OSBPL1A: variants seen among roughly 807,000 people sequenced by gnomAD.
OSBPL1A encodes oxysterol binding protein like 1A, also known as oxysterol-binding protein-related protein 1.
In OSBPL1A, 80 loss-of-function variants were observed where a neutral mutation model predicts 137.1. The ratio of observed to expected loss-of-function variants is 0.58; its 90% CI spans 0.49 to 0.70. OSBPL1A has a LOEUF of 0.70. Among genes scored for constraint, OSBPL1A ranks in the 30% least tolerant of loss-of-function variants. OSBPL1A has a pLI of 0.00. For missense variants in OSBPL1A, 970 were observed against 1,129.4 expected, an observed-to-expected ratio of 0.86 and a Z score of 2.02; for synonymous variants, 365 against 389.7, an observed-to-expected ratio of 0.94 and a Z score of 0.75.
intron 17 of OSBPL1A, among the ~76,000 whole-genome samples, chr18:24,198,861 T>G (rs528453086): frequency 2.7e-4 from 36 of 135,004 alleles, no homozygotes; most frequent in African/African-American, 9.7e-4. Context: ...TTTTTTTTTG[T>G]TGTTTTTTTT....
intron 15 of OSBPL1A, among the ~76,000 whole-genome samples, chr18:24,272,454 C>T (rs1173231902): frequency 6.6e-6 from 1 of 152,004 alleles, no homozygotes; most frequent in East Asian, 1.9e-4. Context: ...AGGAAAACAA[C>T]GGTATTAATC....
intron 15 of OSBPL1A, among the ~76,000 whole-genome samples, chr18:24,272,989 T>C (rs2089758248): frequency 6.6e-6 from 1 of 152,170 alleles, no homozygotes; most frequent in Admixed American, 6.5e-5. Context: ...CACTGCAACC[T>C]CCACCTCCTG....
chr18:24,383,480 G>A (rs745695668), intron 1 of OSBPL1A, among the ~76,000 whole-genome samples: 5 of 152,196 alleles, frequency 3.3e-5, no homozygotes, highest in Admixed American at 1.3e-4. Context: ...CTATTGGGCC[G>A]GGTGCCTTGG....
chr18:24,326,736 G>A (rs144568935), intron 7 of OSBPL1A, among the ~76,000 whole-genome samples: 337 of 152,320 alleles, frequency 2.2e-3, no homozygotes, highest in African/African-American at 7.9e-3. Context: ...GTATTCGTCT[G>A]TGAGTAATGT....
At chr18:24,187,455 T>C (rs2086781285) in intron 18 of OSBPL1A, among the ~76,000 whole-genome samples, 1 of 152,160 alleles carries the variant, frequency 6.6e-6, no homozygotes, top group Admixed American at 6.5e-5. Context: ...GAGATCAAAC[T>C]TCCTGCATTC....
chr18:24,294,273 C>T (rs531810833), intron 14 of OSBPL1A, among the ~76,000 whole-genome samples: 29 of 151,818 alleles, frequency 1.9e-4, no homozygotes, highest in Admixed American at 9.2e-4. Flanking sequence ...GCTCTGTTGC[C>T]CAGGCTGGAG....
At chr18:24,173,293 T>C (rs989377376) in intron 21 of OSBPL1A, among the ~76,000 whole-genome samples, 1 of 152,098 alleles carries the variant, frequency 6.6e-6, no homozygotes, top group Non-Finnish European at 1.5e-5. Flanking sequence ...AAATAAGTAT[T>C]GGGTACTACG....
At chr18:24,377,152 A>G (rs949242599) in intron 2 of OSBPL1A, among the ~76,000 whole-genome samples, 1 of 152,212 alleles carries the variant, frequency 6.6e-6, no homozygotes, top group African/African-American at 2.4e-5. Context: ...ACCTCTCAAT[A>G]GGATGTATCC....
chr18:24,203,025 T>C (rs1336585345), intron 17 of OSBPL1A, among the ~76,000 whole-genome samples: 1 of 152,340 alleles, frequency 6.6e-6, no homozygotes, highest in South Asian at 2.1e-4. Context: ...TTGCCCAGGC[T>C]GCAATGCAAC....
chr18:24,269,563 A>G (rs1267431576), intron 15 of OSBPL1A, among the ~76,000 whole-genome samples: 1 of 151,642 alleles, frequency 6.6e-6, no homozygotes. Flanking sequence ...AAATGACTCA[A>G]AAAAAAGTCA....
chr18:24,354,770 A>AAAAG lies in OSBPL1A; in HGVS notation c.282+12118_282+12121dup, dbSNP rs1348891803. Among the ~76,000 whole-genome samples, 11 of 148,818 alleles carry AAAAG rather than the reference A, an allele frequency of 7.4e-5. No homozygotes were observed. In the South Asian group the frequency reaches 8.4e-4, roughly 11 times the overall value. ...TAGCAAAAAAAAAAAAAAAAAAAAA[A>AAAAG]AAAGAAAGAAAGAAAAAGATGATGA... On this transcript the variant is annotated intron_variant, in intron 4 of 27. Transcript: ENST00000319481.
At chr18:24,359,166 T>C (rs2091583177) in intron 4 of OSBPL1A, among the ~76,000 whole-genome samples, 1 of 151,808 alleles carries the variant, frequency 6.6e-6, no homozygotes, top group African/African-American at 2.4e-5. Flanking sequence ...TGCAGTGAGC[T>C]GAGATTGCAC....
intron 15 of OSBPL1A, among the ~76,000 whole-genome samples, chr18:24,278,974 A>G (rs1284016468): frequency 6.6e-6 from 1 of 152,194 alleles, no homozygotes; most frequent in Admixed American, 6.5e-5. Context: ...TTAATGAACA[A>G]TTATGTTTTC....
intron 11 of OSBPL1A, among the ~76,000 whole-genome samples, chr18:24,316,474 G>T (rs981090608): frequency 6.6e-6 from 1 of 152,046 alleles, no homozygotes; most frequent in Non-Finnish European, 1.5e-5. Flanking sequence ...ATAGGAAAAA[G>T]ACACCATGCG....
chr18:24,315,974 A>ATACG (rs1434578163), intron 11 of OSBPL1A, among the ~76,000 whole-genome samples: 3 of 146,982 alleles, frequency 2.0e-5, no homozygotes, highest in Non-Finnish European at 4.5e-5. Context: ...ATTACCTGAC[A>ATACG]TACGGGCTGG....
At chr18:24,250,742 C>T (rs927008420) in intron 15 of OSBPL1A, among the ~76,000 whole-genome samples, 1 of 152,182 alleles carries the variant, frequency 6.6e-6, no homozygotes, top group Admixed American at 6.5e-5. Flanking sequence ...GGTAAAGGGA[C>T]TTTGTCTTGC....
At chr18:24,345,645 T>C (rs114000476) in intron 4 of OSBPL1A, among the ~76,000 whole-genome samples, 13,311 of 152,180 alleles carry the variant, frequency 0.087, 635 homozygotes, top group Middle Eastern at 0.12. Flanking sequence ...GAGATTGTCC[T>C]GTTGCTCTCC....
intron 15 of OSBPL1A, among the ~76,000 whole-genome samples, chr18:24,265,737 C>T (rs1412991621): frequency 6.6e-6 from 1 of 152,150 alleles, no homozygotes; most frequent in Non-Finnish European, 1.5e-5. Flanking sequence ...TAGCATCTCC[C>T]CTGCCACTGT....
rs751432894 is a variant in OSBPL1A at position 24,390,694 on chromosome 18, CAAAAAAAAAAAA to C, written c.-3+6949_-3+6960del. On this transcript the variant is annotated intron_variant, in intron 1 of 27. Coordinates refer to ENST00000319481, the MANE Select transcript of OSBPL1A (RefSeq NM_080597.4). ...TGGGCAACAGAGTGCGACTCCGTCTCAAAAAAAAAAAAAAAAAAAAAAAAAAAAGTCATTAAA... is the reference window on the plus strand; with the variant it reads ...TGGGCAACAGAGTGCGACTCCGTCTCAAAAAAAAAAAAAAAAGTCATTAAA... 3.8e-3 allele frequency among the ~76,000 whole-genome samples: 211 copies of C among 56,202 alleles called. 5 individuals are homozygous for C. In the East Asian group the frequency reaches 0.071, roughly 19 times the overall value. The allele number at this position is 56,202 out of a possible 152,430, so 36.9% of individuals were successfully genotyped here. A position where few individuals can be genotyped will look rare whatever the true frequency, so the allele number is the denominator to read the frequency against.
Sources: gnomAD v4.1 joint callset for allele counts (sites outside exome capture counted in the v4.1 genomes callset) on GRCh38, gnomAD v4.1.1 for gene constraint, MANE v1.5 for transcripts, NCBI Gene and HGNC (gene_info 2026-07-23, HGNC 2026-07-21) for gene names.